The following CLPB variants were observed in gnomAD, a reference collection of about 807,000 sequenced individuals.
The protein encoded by CLPB is ClpB family mitochondrial disaggregase.
Under a neutral mutation model 78.4 loss-of-function variants are expected in CLPB, and 40 were observed. That is an observed-to-expected ratio of 0.51 (90% CI 0.40 to 0.66). The LOEUF (loss-of-function observed/expected upper bound fraction) is 0.66, where lower values mean the gene tolerates loss of function less well. CLPB is among the 30% of genes least tolerant of loss of function. The pLI, the probability that CLPB is intolerant of heterozygous loss-of-function variation, is 0.00. For missense variants in CLPB, 780 were observed against 886.9 expected, an observed-to-expected ratio of 0.88 and a Z score of 1.53; for synonymous variants, 333 against 348.0, an observed-to-expected ratio of 0.96 and a Z score of 0.48.
intron 4 of CLPB, among the ~76,000 whole-genome samples, chr11:72,367,090 G>C (rs1950958346): frequency 6.6e-6 from 1 of 152,288 alleles, no homozygotes; most frequent in East Asian, 1.9e-4. Flanking sequence ...CAACAACATG[G>C]ATGCAGCTAG....
intron 4 of CLPB, among the ~76,000 whole-genome samples, chr11:72,366,198 T>C (rs1485664507): frequency 2.0e-5 from 3 of 151,448 alleles, no homozygotes; most frequent in Non-Finnish European, 4.4e-5. Context: ...TATAAGGAAC[T>C]TATGTGGGTC....
intron 9 of CLPB, among the ~76,000 whole-genome samples, chr11:72,306,047 T>A (rs929890041): frequency 6.6e-6 from 1 of 152,232 alleles, no homozygotes; most frequent in African/African-American, 2.4e-5. Context: ...GCCAACCTGA[T>A]GAATTGACTT....
intron 5 of CLPB, among the ~76,000 whole-genome samples, chr11:72,345,070 C>T (rs1167577600): frequency 6.6e-6 from 1 of 152,152 alleles, no homozygotes; most frequent in Non-Finnish European, 1.5e-5. Flanking sequence ...CCCTCTCATA[C>T]GATGCTAATG....
At chr11:72,409,985 A>AT (rs1388322248) in intron 2 of CLPB, among the ~76,000 whole-genome samples, 1 of 151,792 alleles carries the variant, frequency 6.6e-6, no homozygotes, top group Non-Finnish European at 1.5e-5. Flanking sequence ...AAAAAAAAAA[A>AT]ATCCAGGCTC....
chr11:72,365,744 A>C (rs2135636411), intron 4 of CLPB, among the ~76,000 whole-genome samples: 1 of 152,338 alleles, frequency 6.6e-6, no homozygotes, highest in South Asian at 2.1e-4. Flanking sequence ...AGAACTCAGA[A>C]ATAAAGCCAC....
At chr11:72,317,269 C>T (rs752039559) in intron 6 of CLPB, 49 bp from the exon 7 acceptor site, 2 of 1,365,854 alleles carry the variant, frequency 1.5e-6, no homozygotes, top group Non-Finnish European at 2.0e-6. Flanking sequence ...CCCATAGCAC[C>T]ATAGCTTCAC....
At chr11:72,430,857 G>A (rs903134192) in intron 1 of CLPB, among the ~76,000 whole-genome samples, 2 of 152,100 alleles carry the variant, frequency 1.3e-5, no homozygotes, top group Non-Finnish European at 2.9e-5. Flanking sequence ...AGGATGGAGA[G>A]GTCTCAACTA....
At chr11:72,406,598 T>C (rs1855716935) in intron 2 of CLPB, among the ~76,000 whole-genome samples, 1 of 152,172 alleles carries the variant, frequency 6.6e-6, no homozygotes, top group Non-Finnish European at 1.5e-5. Context: ...CTTCCATCAT[T>C]TTGATGGAAC....
intron 8 of CLPB, among the ~76,000 whole-genome samples, chr11:72,307,948 G>A (rs1949773992): frequency 6.6e-6 from 1 of 152,170 alleles, no homozygotes; most frequent in South Asian, 2.1e-4. Flanking sequence ...TTCCCATCAG[G>A]TTCCCTTCAG....
At chr11:72,420,683 C>A (rs1191088402) in intron 2 of CLPB, among the ~76,000 whole-genome samples, 2 of 152,132 alleles carry the variant, frequency 1.3e-5, no homozygotes, top group African/African-American at 4.8e-5. Context: ...GTACAGGGTG[C>A]TATGGGAATC....
At chr11:72,325,239 C>G (rs1950111857) in intron 6 of CLPB, among the ~76,000 whole-genome samples, 1 of 152,202 alleles carries the variant, frequency 6.6e-6, no homozygotes, top group Admixed American at 6.5e-5. Flanking sequence ...AAGTATTAAA[C>G]TCTCCATCTA....
At chr11:72,366,412 A>G (rs974520334) in intron 4 of CLPB, among the ~76,000 whole-genome samples, 1 of 152,152 alleles carries the variant, frequency 6.6e-6, no homozygotes, top group South Asian at 2.1e-4. Context: ...CCTGTTTTCT[A>G]AAACAGGGTT....
At chr11:72,305,421 G>A (rs1293611938) in intron 9 of CLPB, among the ~76,000 whole-genome samples, 2 of 152,210 alleles carry the variant, frequency 1.3e-5, no homozygotes, top group South Asian at 2.1e-4. Flanking sequence ...GGCACTTGCT[G>A]TGTGCTCACC....
chr11:72,286,229 T>G lies in CLPB; in HGVS notation c.*7138A>C, dbSNP rs867809142. On this transcript the variant is annotated 3_prime_UTR_variant, in exon 16 of 16. Transcript: ENST00000538039. ...GGTGTGAGATACTGCACCTGTTTTT[T>G]TTTTTTTTTTTTTTTTTAAGAGATA... 7.5e-6 allele frequency: 1 copy of G among 133,508 alleles called. No individual in the cohort carries two copies. Among genetic ancestry groups the G allele is most frequent in the East Asian group, 2.0e-4 (1 of 4,888 alleles). The allele number at this position is 133,508 out of a possible 1,614,324, so 8.3% of individuals were successfully genotyped here. A position where few individuals can be genotyped will look rare whatever the true frequency, so the allele number is the denominator to read the frequency against.
chr11:72,390,225 G>A (rs1376493894), intron 3 of CLPB, among the ~76,000 whole-genome samples: 2 of 151,726 alleles, frequency 1.3e-5, no homozygotes, highest in Non-Finnish European at 2.9e-5. Context: ...ATCACTTGAG[G>A]CCAGGAGTTG....
At chr11:72,335,256 T>C (rs779957708) in intron 5 of CLPB, among the ~76,000 whole-genome samples, 15 of 152,186 alleles carry the variant, frequency 9.9e-5, no homozygotes, top group Admixed American at 3.9e-4. Flanking sequence ...GGCTCACTGG[T>C]GCTGAGGGAG....
At position 72,293,540 on chromosome 11, in the gene CLPB, T is replaced by A. The variant is rs755357754; in HGVS notation, c.1861A>T (p.Ile621Phe). 6.2e-7 allele frequency: 1 copy of A among 1,613,914 alleles called. No homozygotes were observed. The highest frequency in any genetic ancestry group is 8.5e-7 in the Non-Finnish European group (1 of 1,179,974). Residue 621 changes from isoleucine (I) to phenylalanine (F), a missense_variant, in exon 16 of 16, where the codon ATC (isoleucine) becomes TTC (phenylalanine). Physicochemically the swap from Ile to Phe is conservative, Grantham distance 21. Transcript: ENST00000538039. ...TGCTTGTCTGAGTCCTCCACCGTGATGCGCAAAGTACAGCCCCCTGGCAGC... is the reference window on the plus strand; with the variant it reads ...TGCTTGTCTGAGTCCTCCACCGTGAAGCGCAAAGTACAGCCCCCTGGCAGC... ...DLLPGGCTLR[I>F]TVEDSDKQLL... is the part of the protein sequence containing the mutation.
chr11:72,371,124 C>T (rs1011872415), intron 4 of CLPB, among the ~76,000 whole-genome samples: 5 of 152,030 alleles, frequency 3.3e-5, no homozygotes, highest in East Asian at 1.9e-4. Context: ...AGTGCAGTGG[C>T]GTGATCATGG....
intron 4 of CLPB, among the ~76,000 whole-genome samples, chr11:72,373,286 TGCATTTCTGACA>T (rs1375555095): frequency 6.6e-6 from 1 of 152,250 alleles, no homozygotes; most frequent in Non-Finnish European, 1.5e-5. Context: ...AATGCTTGCT[TGCATTTCTGACA>T]GCCCCAGACA....
Sources: allele counts gnomAD v4.1 joint callset (sites outside exome capture counted in the v4.1 genomes callset), GRCh38; gene constraint gnomAD v4.1.1; transcripts MANE v1.5; gene names NCBI Gene and HGNC (gene_info 2026-07-23, HGNC 2026-07-21).